Variants in INPP5A observed in about 807,000 individuals in gnomAD.
INPP5A encodes inositol polyphosphate-5-phosphatase A, also known as 43 kDa inositol polyphosphate 5-phophatase.
INPP5A carries 14 observed loss-of-function variants against 65.2 expected under a neutral mutation model. That is an observed-to-expected ratio of 0.21 (90% CI 0.14 to 0.34). The LOEUF (loss-of-function observed/expected upper bound fraction) is 0.34. INPP5A is among the 10% of genes least tolerant of loss of function. The pLI, the probability that INPP5A is intolerant of heterozygous loss-of-function variation, is 1.00. For missense variants in INPP5A, 431 were observed against 545.6 expected (o/e 0.79, Z 2.09); for synonymous variants, 207 against 208.3 (o/e 0.99, Z 0.05).
At chr10:132,606,295 A>G (rs982877618) in intron 1 of INPP5A, among the ~76,000 whole-genome samples, 22 of 151,300 alleles carry the variant, frequency 1.5e-4, no homozygotes, top group African/African-American at 5.3e-4. Context: ...CAGTGGCGGG[A>G]CAGCGGCGTG....
chr10:132,644,039 C>T lies in INPP5A; in HGVS notation c.118-1829C>T, dbSNP rs973708845. ...ATCAAGACAGCTGGAACCAGACCACCGGAAACACTCAGACCACCGGCACCA... is the reference window on the plus strand; with the variant it reads ...ATCAAGACAGCTGGAACCAGACCACTGGAAACACTCAGACCACCGGCACCA... On this transcript the variant is annotated intron_variant, in intron 2 of 15. Transcript: ENST00000368594. This position sits in a 1 kb window ranked among gnomAD's most constrained non-coding sequence, Gnocchi z 6.5. Among the ~76,000 whole-genome samples, 8 of 152,132 alleles carry T rather than the reference C, an allele frequency of 5.3e-5. No homozygotes were observed. Among genetic ancestry groups the T allele is most frequent in the South Asian group, 4.2e-4 (2 of 4,818 alleles).
At chr10:132,736,397 TA>T (rs1244159718) in intron 9 of INPP5A, among the ~76,000 whole-genome samples, 1 of 152,234 alleles carries the variant, frequency 6.6e-6, no homozygotes, top group Non-Finnish European at 1.5e-5. Context: ...TGGCCATTTT[TA>T]ACAACCAGTT....
intron 13 of INPP5A, among the ~76,000 whole-genome samples, chr10:132,778,302 A>ATTTTT (rs57172206): frequency 2.2e-4 from 16 of 72,954 alleles, no homozygotes; most frequent in African/African-American, 4.7e-4. Context: ...TTTAATAATA[A>ATTTTT]TTTTTTTTTT....
chr10:132,754,744 G>A (rs895517555), intron 11 of INPP5A, among the ~76,000 whole-genome samples: 4 of 152,244 alleles, frequency 2.6e-5, no homozygotes, highest in Non-Finnish European at 5.9e-5. Flanking sequence ...GTCCCCATGG[G>A]AAGGAGGGGG....
chr10:132,631,150 G>T (rs2072267750), intron 2 of INPP5A, among the ~76,000 whole-genome samples: 1 of 152,198 alleles, frequency 6.6e-6, no homozygotes, highest in Non-Finnish European at 1.5e-5. Flanking sequence ...CAGGCTGCCT[G>T]CGGTGAGGTC....
chr10:132,610,370 T>TG (rs1364650850), intron 2 of INPP5A, among the ~76,000 whole-genome samples: 1 of 140,408 alleles, frequency 7.1e-6, no homozygotes, highest in Non-Finnish European at 1.6e-5. Flanking sequence ...GGGTGGGGGG[T>TG]GGGGGGCGGT....
intron 8 of INPP5A, among the ~76,000 whole-genome samples, chr10:132,712,729 T>A (rs942612529): frequency 2.6e-5 from 4 of 150,954 alleles, no homozygotes; most frequent in Non-Finnish European, 5.9e-5. Flanking sequence ...GGTGTATGCA[T>A]GTGTAGGTGT....
chr10:132,646,057 G>C, intron 3 of INPP5A, 89 bp downstream of exon 3: 11 of 834,824 alleles, frequency 1.3e-5, no homozygotes, highest in Middle Eastern at 4.4e-4. Flanking sequence ...ATGATCACCA[G>C]CCTCACCATT....
rs1845456942 is a variant in INPP5A at position 132,702,749 on chromosome 10, GCT to G, written c.474+4836_474+4837del. 2.6e-5 allele frequency among the ~76,000 whole-genome samples: 4 copies of G among 152,346 alleles called. No homozygotes were observed. The South Asian group carries it at 8.3e-4, about 32-fold the overall frequency. On this transcript the variant is annotated intron_variant, in intron 6 of 15. Coordinates refer to ENST00000368594, the MANE Select transcript of INPP5A (RefSeq NM_005539.5). ...CCTCCACATGCCACGGAGCACCTCT[GCT>G]CTCTCGTTCCACAGTGTGCTCTGGG...
intron 1 of INPP5A, among the ~76,000 whole-genome samples, chr10:132,607,644 G>A (rs1399563707): frequency 6.6e-6 from 1 of 152,254 alleles, no homozygotes; most frequent in South Asian, 2.1e-4. Flanking sequence ...CGCCACCCGT[G>A]TGGGGGCTGC....
At chr10:132,597,174 T>C (rs2071713907) in intron 1 of INPP5A, among the ~76,000 whole-genome samples, 1 of 152,268 alleles carries the variant, frequency 6.6e-6, no homozygotes, top group African/African-American at 2.4e-5. Context: ...TGCGCATGTG[T>C]GCGTATGCAC....
chr10:132,593,907 T>C (rs2071650318), intron 1 of INPP5A, among the ~76,000 whole-genome samples: 1 of 152,250 alleles, frequency 6.6e-6, no homozygotes, highest in Non-Finnish European at 1.5e-5. Context: ...TGCCAGGAAC[T>C]ATAAAGATAA....
In INPP5A at chr10:132,551,640, G is replaced by A. The variant is rs1454635927; in HGVS notation, c.75+13469G>A. ...GAGCTGTTGCAACTTCCTGTTTGCT[G>A]TAACGGCTGTGCCTCCCTCGCTGCT... On this transcript the variant is annotated intron_variant, in intron 1 of 15. Transcript: ENST00000368594. This position sits in a 1 kb window ranked among gnomAD's most constrained non-coding sequence, Gnocchi z 5.3. Among the ~76,000 whole-genome samples, 2 of 152,208 alleles carry A rather than the reference G, an allele frequency of 1.3e-5. No homozygotes were observed. The highest frequency in any genetic ancestry group is 4.1e-4 in the South Asian group (2 of 4,834).
At chr10:132,559,291 G>A (rs1037750553) in intron 1 of INPP5A, among the ~76,000 whole-genome samples, 2 of 152,238 alleles carry the variant, frequency 1.3e-5, no homozygotes, top group Non-Finnish European at 2.9e-5. Context: ...TGCCCCATCA[G>A]TGGGGGGTTA....
intron 14 of INPP5A, 121 bp downstream of exon 14, chr10:132,781,038 C>G (rs1847152763): frequency 4.2e-6 from 3 of 707,838 alleles, no homozygotes; most frequent in Non-Finnish European, 7.5e-6. Flanking sequence ...CGGGGGTTGG[C>G]CAGTCTCTCC....
intron 9 of INPP5A, among the ~76,000 whole-genome samples, chr10:132,748,112 T>C (rs1407040441): frequency 6.6e-6 from 1 of 152,168 alleles, no homozygotes; most frequent in Non-Finnish European, 1.5e-5. Flanking sequence ...CAAGCTATAA[T>C]CCAATTCTAG....
rs1278863156 is a variant in INPP5A, at chr10:132,538,387, C to T, written c.75+216C>T. Among the ~76,000 whole-genome samples the T allele has an allele frequency of 2.6e-5, 4 of 152,276 alleles. No homozygotes were observed. Among genetic ancestry groups the T allele is most frequent in the East Asian group, 3.9e-4 (2 of 5,178 alleles). ...GATCCCCAAGCCCGAGACCTGAAGA[C>T]CTGGGCCCTGAATCCCCGAACCCCA... On this transcript the variant is annotated intron_variant, in intron 1 of 15. Coordinates refer to ENST00000368594, the MANE Select transcript of INPP5A (RefSeq NM_005539.5). The surrounding 1 kb of genome is among the most constrained non-coding windows in gnomAD (Gnocchi z 4.1).
chr10:132,692,427 C>T (rs1029991505), intron 5 of INPP5A, among the ~76,000 whole-genome samples: 1 of 152,140 alleles, frequency 6.6e-6, no homozygotes, highest in Non-Finnish European at 1.5e-5. Flanking sequence ...AACCACAGAT[C>T]CAGAAAGCTC....
intron 13 of INPP5A, among the ~76,000 whole-genome samples, chr10:132,779,343 A>G (rs2134696585): frequency 6.6e-6 from 1 of 152,366 alleles, no homozygotes; most frequent in East Asian, 1.9e-4. Flanking sequence ...TGTGGAGCCC[A>G]GGGCTGCCAC....
Sources: gnomAD v4.1 joint callset for allele counts (sites outside exome capture counted in the v4.1 genomes callset) on GRCh38, gnomAD v4.1.1 for gene constraint, Gnocchi (gnomAD v3.1) non-coding constraint, MANE v1.5 for transcripts, NCBI Gene and HGNC (gene_info 2026-07-23, HGNC 2026-07-21) for gene names.